Variants in CD47 observed in about 807,000 individuals in gnomAD.
CD47 encodes the protein CD47 molecule.
Under a neutral mutation model 44.6 loss-of-function variants are expected in CD47, and 11 were observed. That is an observed-to-expected ratio of 0.25 (90% CI 0.16 to 0.41). The LOEUF (loss-of-function observed/expected upper bound fraction) is 0.41, where lower values mean the gene tolerates loss of function less well. Among genes scored for constraint, CD47 ranks in the 10% least tolerant of loss-of-function variants. The pLI, the probability that CD47 is intolerant of heterozygous loss-of-function variation, is 1.00. For missense variants in CD47, 306 were observed against 386.7 expected (o/e 0.79, Z 1.75); for synonymous variants, 140 against 136.3 (o/e 1.03, Z -0.19).
At chr3:108,087,012 AG>A (rs1289922074) in intron 1 of CD47, among the ~76,000 whole-genome samples, 2 of 152,172 alleles carry the variant, frequency 1.3e-5, no homozygotes, top group Non-Finnish European at 2.9e-5. Context: ...AGGGAAGCAG[AG>A]GGAGTCCAAA....
At chr3:108,055,252 T>A (rs2108227526) in intron 7 of CD47, among the ~76,000 whole-genome samples, 1 of 152,340 alleles carries the variant, frequency 6.6e-6, no homozygotes, top group African/African-American at 2.4e-5. Flanking sequence ...TAACTTCTTC[T>A]TGAAGAGAAA....
chr3:108,085,751 C>T (rs2079508195), intron 1 of CD47, among the ~76,000 whole-genome samples: 1 of 152,126 alleles, frequency 6.6e-6, no homozygotes, highest in Admixed American at 6.6e-5. Context: ...AAGTAGGATT[C>T]AATACCTTCC....
At chr3:108,050,459 GA>G in intron 9 of CD47, 118 bp downstream of exon 9, 2 of 652,454 alleles carry the variant, frequency 3.1e-6, no homozygotes, top group Non-Finnish European at 5.5e-6. Context: ...GCCAAGGAAA[GA>G]AAAAAAGAGG....
chr3:108,068,498 T>C (rs929419894), intron 3 of CD47, among the ~76,000 whole-genome samples: 1 of 152,202 alleles, frequency 6.6e-6, no homozygotes, highest in Non-Finnish European at 1.5e-5. Flanking sequence ...CTCAGTATTA[T>C]GTGCTTAGAT....
chr3:108,081,539 G>A (rs1034293660), intron 1 of CD47, among the ~76,000 whole-genome samples: 2 of 151,862 alleles, frequency 1.3e-5, no homozygotes, highest in African/African-American at 4.8e-5. Flanking sequence ...TGAATGCAAG[G>A]ATGCATACTG....
chr3:108,047,230 A>T lies in CD47; in HGVS notation c.*58T>A. 1 of 1,465,040 alleles carries T rather than the reference A, an allele frequency of 6.8e-7. No individual in the cohort carries two copies. The allele number at this position is 1,465,040 out of a possible 1,614,324, so 90.8% of individuals were successfully genotyped here. On this transcript the variant is annotated 3_prime_UTR_variant, in exon 11 of 11. Transcript: ENST00000361309. ...ATCAAGGCCATGGTGCTTAAACACA[A>T]GTGTATTCCTTTCACGTCTTACTAC...
At chr3:108,074,050 T>C (rs1041521329) in intron 2 of CD47, among the ~76,000 whole-genome samples, 3 of 152,200 alleles carry the variant, frequency 2.0e-5, no homozygotes, top group Admixed American at 6.5e-5. Flanking sequence ...TAGCAAGTTT[T>C]AGCTTGATTT....
intron 2 of CD47, among the ~76,000 whole-genome samples, chr3:108,079,272 G>A (rs4855618): frequency 0.54 from 82,039 of 151,610 alleles, 22,377 homozygotes; most frequent in East Asian, 0.7. Context: ...GAAACAGCAA[G>A]GAGAGGAGAC....
rs1463705404 is a variant in CD47 at position 108,044,787 on chromosome 3, A to G, written c.*2501T>C. 6.6e-6 allele frequency: 1 copy of G among 152,460 alleles called. No homozygotes were observed. The highest frequency in any genetic ancestry group is 2.4e-5 in the African/African-American group (1 of 41,472). The allele number at this position is 152,460 out of a possible 1,614,324, so 9.4% of individuals were successfully genotyped here. On this transcript the variant is annotated 3_prime_UTR_variant, in exon 11 of 11. Transcript: ENST00000361309. ...GAGAAGACAAATAGAATTTGGCAAA[A>G]GTAGCTGGAAAGGTTGTTGCAGAAA...
chr3:108,084,132 A>C lies in CD47; in HGVS notation c.47-3788T>G, dbSNP rs1363956098. ...ACTTTCTCTCTCCCTAGCATCCCAA[A>C]TTAACAATCTATAAGCATTTCCTCA... On this transcript the variant is annotated intron_variant, in intron 1 of 10. Coordinates refer to ENST00000361309, the MANE Select transcript of CD47 (RefSeq NM_001777.4). 2.0e-5 allele frequency among the ~76,000 whole-genome samples: 3 copies of C among 151,982 alleles called. No individual in the cohort carries two copies. In the South Asian group the frequency reaches 6.2e-4, roughly 31 times the overall value.
chr3:108,047,158 G>A lies in CD47; in HGVS notation c.*130C>T, dbSNP rs2078733509. 4 of 626,290 alleles carry A rather than the reference G, an allele frequency of 6.4e-6. No homozygotes were observed. The highest frequency in any genetic ancestry group is 2.8e-5 in the East Asian group (1 of 35,410). 38.8% of individuals were successfully genotyped at this position (626,290 alleles called of 1,614,324 possible). A position where few individuals can be genotyped will look rare whatever the true frequency, so the allele number is the denominator to read the frequency against. ...CTAACAATCACGTAAGGGTCTCATA[G>A]GTGACAACCAGTTACTTTTCTTGTT... On this transcript the variant is annotated 3_prime_UTR_variant, in exon 11 of 11. Coordinates refer to ENST00000361309, the MANE Select transcript of CD47 (RefSeq NM_001777.4).
chr3:108,053,619 C>G (rs550696367), intron 7 of CD47: 2 of 152,382 alleles, frequency 1.3e-5, no homozygotes, highest in African/African-American at 2.4e-5. Flanking sequence ...GAGGGCAACA[C>G]GATGCTTCAG....
At chr3:108,067,609 C>G (rs1259923037) in intron 3 of CD47, among the ~76,000 whole-genome samples, 1 of 152,168 alleles carries the variant, frequency 6.6e-6, no homozygotes, top group Non-Finnish European at 1.5e-5. Context: ...AACAAAGCGT[C>G]TGAAATTCAA....
Position 108,044,415 on chromosome 3 carries a change from C to CAA in CD47, c.*2871_*2872dup, listed in dbSNP as rs55777019. Reference sequence around the variant, plus strand: ...GGTTTTTAGAGCATGTGAAATTAGTCAAAAAAAAAAAAAAAAAAAAAAAAA... The same window carrying CAA: ...GGTTTTTAGAGCATGTGAAATTAGTCAAAAAAAAAAAAAAAAAAAAAAAAAAA... On this transcript the variant is annotated 3_prime_UTR_variant, in exon 11 of 11. Transcript: ENST00000361309. 1.7e-3 allele frequency: 59 copies of CAA among 34,108 alleles called. No individual in the cohort carries two copies. Among genetic ancestry groups the CAA allele is most frequent in the Non-Finnish European group, 2.1e-3 (34 of 15,932 alleles). The allele number at this position is 34,108 out of a possible 1,614,324, so 2.1% of individuals were successfully genotyped here.
rs765385869 is a variant in CD47 at position 108,044,814 on chromosome 3, G to C, written c.*2474C>G. ...TAGCTGGAAAGGTTGTTGCAGAAAA[G>C]GACAAATGGTGTCACTGTGAGAACA... is the stretch of plus-strand genomic sequence containing the variant. On this transcript the variant is annotated 3_prime_UTR_variant, in exon 11 of 11. Coordinates refer to ENST00000361309, the MANE Select transcript of CD47 (RefSeq NM_001777.4). 2 of 152,494 alleles carry C rather than the reference G, an allele frequency of 1.3e-5. No homozygotes were observed. Among genetic ancestry groups the C allele is most frequent in the Non-Finnish European group, 2.9e-5 (2 of 68,034 alleles). 9.4% of individuals were successfully genotyped at this position (152,494 alleles called of 1,614,324 possible). A position where few individuals can be genotyped will look rare whatever the true frequency, so the allele number is the denominator to read the frequency against.
intron 3 of CD47, among the ~76,000 whole-genome samples, chr3:108,063,261 C>T (rs564204795): frequency 6.6e-6 from 1 of 152,270 alleles, no homozygotes; most frequent in South Asian, 2.1e-4. Flanking sequence ...TGTTGAGGAT[C>T]CCAAGTGTGA....
intron 10 of CD47, among the ~76,000 whole-genome samples, chr3:108,048,371 G>GATTTTTTTTTTTTTTT (rs1559971847): frequency 1.3e-5 from 1 of 79,582 alleles, no homozygotes. Context: ...TGACTGGAGT[G>GATTTTTTTTTTTTTTT]TTTTTTTTTT....
Position 108,043,836 on chromosome 3 carries a change from T to C in CD47, c.*3452A>G, listed in dbSNP as rs2078670317. The C allele has an allele frequency of 6.6e-6, 1 of 152,638 alleles. No individual in the cohort carries two copies. The highest frequency in any genetic ancestry group is 2.4e-5 in the African/African-American group (1 of 41,466). 9.5% of individuals were successfully genotyped at this position (152,638 alleles called of 1,614,324 possible). On this transcript the variant is annotated 3_prime_UTR_variant, in exon 11 of 11. Coordinates refer to ENST00000361309, the MANE Select transcript of CD47 (RefSeq NM_001777.4). ...CTTCAATGATCTTAATTAAGAACTG[T>C]CAAAGCTAAAGGCAGAAAAACTGCC...
intron 5 of CD47, 117 bp downstream of exon 5, chr3:108,059,335 T>C (rs547656135): frequency 1.5e-4 from 69 of 474,480 alleles, no homozygotes; most frequent in African/African-American, 1.2e-3. Context: ...ATGAAAAATC[T>C]TTTAATAAAC....
Sources: allele counts gnomAD v4.1 joint callset (sites outside exome capture counted in the v4.1 genomes callset), GRCh38; gene constraint gnomAD v4.1.1; transcripts MANE v1.5; gene names NCBI Gene and HGNC (gene_info 2026-07-23, HGNC 2026-07-21).